Variants in PLD1 observed in about 807,000 individuals in gnomAD.
PLD1 encodes the protein phospholipase D1, also known as choline phosphatase 1.
In PLD1, 112 loss-of-function variants were observed where a neutral mutation model predicts 137.1. The observed-to-expected ratio is 0.82, with a 90% CI of 0.70 to 0.96. The LOEUF is 0.96. PLD1 is among the 40% of genes least tolerant of loss of function. The pLI is 0.00. For synonymous variants in PLD1, 431 were observed against 454.7 expected, an observed-to-expected ratio of 0.95 and a Z score of 0.66; for missense variants, 1,321 against 1,342.0, an observed-to-expected ratio of 0.98 and a Z score of 0.24.
chr3:171,736,883 C>A (rs1156771496), intron 3 of PLD1, among the ~76,000 whole-genome samples: 6 of 152,218 alleles, frequency 3.9e-5, no homozygotes, highest in Non-Finnish European at 8.8e-5. Flanking sequence ...ACCCTAACAG[C>A]TTCTTCTAGT....
chr3:171,706,423 CTTTT>C (rs1716701822), intron 11 of PLD1, among the ~76,000 whole-genome samples: 1 of 149,364 alleles, frequency 6.7e-6, no homozygotes, highest in Non-Finnish European at 1.5e-5. Context: ...AACATGTATT[CTTTT>C]ACCTGGAATA....
At chr3:171,809,360 G>A (rs1304536761) in intron 1 of PLD1, 2 of 152,184 alleles carry the variant, frequency 1.3e-5, no homozygotes, top group African/African-American at 4.8e-5. Context: ...TCAAATTGCA[G>A]ATTCCTTTCC....
chr3:171,673,236 T>G (rs909424573), intron 19 of PLD1, among the ~76,000 whole-genome samples: 2 of 144,312 alleles, frequency 1.4e-5, no homozygotes, highest in Admixed American at 7.2e-5. Context: ...AGTTTTCTTT[T>G]TAGCCTGGGA....
At chr3:171,691,420 A>AT (rs57650352) in intron 13 of PLD1, among the ~76,000 whole-genome samples, 34,707 of 151,750 alleles carry the variant, frequency 0.23, 4,254 homozygotes, top group Admixed American at 0.3. Flanking sequence ...TGTTTGGTTG[A>AT]TTTTTTGTAG....
At chr3:171,756,672 G>A (rs1452517230) in intron 1 of PLD1, among the ~76,000 whole-genome samples, 2 of 152,158 alleles carry the variant, frequency 1.3e-5, no homozygotes, top group East Asian at 1.9e-4. Context: ...AAAAACATAC[G>A]ATGTAATCAG....
intron 12 of PLD1, among the ~76,000 whole-genome samples, chr3:171,695,360 T>C (rs1329661538): frequency 6.6e-6 from 1 of 152,190 alleles, no homozygotes; most frequent in Non-Finnish European, 1.5e-5. Flanking sequence ...CGGAAATTAT[T>C]AATAGGAGAA....
At chr3:171,738,692 T>G (rs1204397075) in intron 1 of PLD1, among the ~76,000 whole-genome samples, 2 of 152,216 alleles carry the variant, frequency 1.3e-5, no homozygotes, top group Admixed American at 1.3e-4. Context: ...GGAAATTGAT[T>G]AATATACCTA....
At chr3:171,772,640 C>A (rs1044711611) in intron 1 of PLD1, among the ~76,000 whole-genome samples, 2 of 152,150 alleles carry the variant, frequency 1.3e-5, no homozygotes, top group African/African-American at 4.8e-5. Flanking sequence ...GGAGCTAGTA[C>A]CCCACCTGCT....
At chr3:171,808,609 G>C (rs964663243) in intron 1 of PLD1, among the ~76,000 whole-genome samples, 1 of 124,610 alleles carries the variant, frequency 8.0e-6, no homozygotes, top group African/African-American at 3.0e-5. Flanking sequence ...ACCTATAAGA[G>C]TTAAAGGTAA....
chr3:171,718,564 C>T (rs1009006441), intron 8 of PLD1, among the ~76,000 whole-genome samples: 8 of 152,162 alleles, frequency 5.3e-5, no homozygotes, highest in Non-Finnish European at 1.2e-4. Context: ...AGATGCAGAG[C>T]ATCTCAACAA....
chr3:171,776,724 A>G (rs1257794585), intron 1 of PLD1, among the ~76,000 whole-genome samples: 1 of 151,986 alleles, frequency 6.6e-6, no homozygotes, highest in Non-Finnish European at 1.5e-5. Context: ...ATTTCATTTT[A>G]TTTTGTTTTA....
At chr3:171,628,967 T>C (rs1159286799) in intron 23 of PLD1, among the ~76,000 whole-genome samples, 9 of 147,432 alleles carry the variant, frequency 6.1e-5, no homozygotes, top group African/African-American at 1.5e-4. Flanking sequence ...AGGGATGCCC[T>C]CTCTCACCAC....
intron 1 of PLD1, among the ~76,000 whole-genome samples, chr3:171,808,716 C>G (rs1351316502): frequency 6.6e-6 from 1 of 151,834 alleles, no homozygotes; most frequent in Non-Finnish European, 1.5e-5. Flanking sequence ...GTCTACAAAC[C>G]TAAATGAGCA....
At chr3:171,694,771 C>T (rs754051) in intron 12 of PLD1, among the ~76,000 whole-genome samples, 62,469 of 151,842 alleles carry the variant, frequency 0.41, 13,099 homozygotes, top group Non-Finnish European at 0.43. Flanking sequence ...GTTTTCTACT[C>T]ACCTGCATAA....
At chr3:171,606,220 T>G (rs1578085729) in intron 25 of PLD1, among the ~76,000 whole-genome samples, 1 of 152,194 alleles carries the variant, frequency 6.6e-6, no homozygotes, top group African/African-American at 2.4e-5. Flanking sequence ...GTTTTTGTCT[T>G]GAGCAACTAT....
rs377162431 is a variant in PLD1 at position 171,603,036 on chromosome 3, G to T, written c.*42C>A. 5,213 of 1,390,756 alleles carry T rather than the reference G, an allele frequency of 3.7e-3. 20 individuals are homozygous for T. The highest frequency in any genetic ancestry group is 4.1e-3 in the Non-Finnish European group (4,045 of 982,250). The allele number at this position is 1,390,756 out of a possible 1,614,324, so 86.2% of individuals were successfully genotyped here. A position where few individuals can be genotyped will look rare whatever the true frequency, so the allele number is the denominator to read the frequency against. The stretch of plus-strand genomic sequence containing the variant: ...CCCAGGAAGTCACTGTGTGCAGTGT[G>T]GTCTCCAGGGTGGAAGTCTTTGAGC... On this transcript the variant is annotated 3_prime_UTR_variant, in exon 27 of 27. Coordinates refer to ENST00000351298, the MANE Select transcript of PLD1 (RefSeq NM_002662.5).
intron 1 of PLD1, among the ~76,000 whole-genome samples, chr3:171,752,002 CAAA>C (rs201612180): frequency 5.1e-5 from 4 of 78,258 alleles, no homozygotes. Context: ...GACTCCGTCT[CAAA>C]AAAAAAAAAA....
Position 171,601,371 on chromosome 3 carries a change from T to C in PLD1, c.*1707A>G, listed in dbSNP as rs1220201275. 2.6e-5 allele frequency: 4 copies of C among 152,174 alleles called. No individual in the cohort carries two copies. The highest frequency in any genetic ancestry group is 5.9e-5 in the Non-Finnish European group (4 of 68,036). The allele number at this position is 152,174 out of a possible 1,614,324, so 9.4% of individuals were successfully genotyped here. ...ATCTAAGAAATCCTTAGAGATCCCA[T>C]ACACTCAATACTTCAAATGCCAATC... On this transcript the variant is annotated 3_prime_UTR_variant, in exon 27 of 27. Transcript: ENST00000351298.
At chr3:171,728,381 T>TTCAC (rs140262581) in intron 6 of PLD1, among the ~76,000 whole-genome samples, 54,593 of 151,770 alleles carry the variant, frequency 0.36, 10,872 homozygotes, top group African/African-American at 0.51. Flanking sequence ...AAAACAGTGA[T>TTCAC]TCAGTATCAT....
Sources: allele counts gnomAD v4.1 joint callset (sites outside exome capture counted in the v4.1 genomes callset), GRCh38; gene constraint gnomAD v4.1.1; transcripts MANE v1.5; gene names NCBI Gene and HGNC (gene_info 2026-07-23, HGNC 2026-07-21).